Variants in PPFIA2 observed in about 807,000 individuals in gnomAD.
PPFIA2 encodes PPFI scaffold protein A2.
PPFIA2 carries 46 observed loss-of-function variants against 175.5 expected under a neutral mutation model. The ratio of observed to expected loss-of-function variants is 0.26; its 90% confidence interval spans 0.21 to 0.34. The LOEUF (loss-of-function observed/expected upper bound fraction) is 0.34, where lower values mean the gene tolerates loss of function less well. Ranked by LOEUF, PPFIA2 falls within the 10% of genes least tolerant of loss-of-function variation. PPFIA2 has a pLI of 1.00. For synonymous variants in PPFIA2, 568 were observed against 511.4 expected, an observed-to-expected ratio of 1.11 and a Z score of -1.49; for missense variants, 1,179 against 1,506.1, an observed-to-expected ratio of 0.78 and a Z score of 3.60.
intron 24 of PPFIA2, among the ~76,000 whole-genome samples, chr12:81,293,323 T>C (rs2045555311): frequency 6.6e-6 from 1 of 152,068 alleles, no homozygotes; most frequent in Non-Finnish European, 1.5e-5. Context: ...TTTGTCACAT[T>C]TTGTTCTTTT....
At chr12:81,651,862 T>C (rs2067079715) in intron 4 of PPFIA2, among the ~76,000 whole-genome samples, 1 of 152,120 alleles carries the variant, frequency 6.6e-6, no homozygotes, top group Non-Finnish European at 1.5e-5. Context: ...TTCTTTCCTT[T>C]GGTATTATTG....
intron 4 of PPFIA2, among the ~76,000 whole-genome samples, chr12:81,489,995 ATCTT>A (rs968793091): frequency 6.6e-5 from 10 of 151,786 alleles, no homozygotes; most frequent in African/African-American, 2.4e-4. Flanking sequence ...TATTATTACA[ATCTT>A]TCTTTTGTAT....
intron 4 of PPFIA2, among the ~76,000 whole-genome samples, chr12:81,577,840 A>G (rs2073819371): frequency 6.6e-6 from 1 of 151,750 alleles, no homozygotes; most frequent in Non-Finnish European, 1.5e-5. Context: ...TTTATAAGAA[A>G]TTATCCCAAA....
chr12:81,448,700 C>T (rs2051809211), intron 5 of PPFIA2, among the ~76,000 whole-genome samples: 1 of 152,174 alleles, frequency 6.6e-6, no homozygotes, highest in African/African-American at 2.4e-5. Context: ...TCCATGTCCC[C>T]ACAACAGGGG....
intron 4 of PPFIA2, among the ~76,000 whole-genome samples, chr12:81,478,478 T>C (rs912878721): frequency 6.6e-6 from 1 of 152,168 alleles, no homozygotes; most frequent in East Asian, 1.9e-4. Context: ...ATCCTGCTTC[T>C]CTGGTTCTTT....
At chr12:81,356,262 A>G (rs1428195713) in intron 16 of PPFIA2, among the ~76,000 whole-genome samples, 1 of 152,196 alleles carries the variant, frequency 6.6e-6, no homozygotes, top group African/African-American at 2.4e-5. Context: ...TCACTATCTT[A>G]TATTGGCATG....
At chr12:81,346,220 T>C (rs1481041801) in intron 18 of PPFIA2, among the ~76,000 whole-genome samples, 2 of 152,100 alleles carry the variant, frequency 1.3e-5, no homozygotes, top group African/African-American at 4.8e-5. Context: ...ACATACTATA[T>C]TTCTAGGTAA....
chr12:81,662,658 T>G (rs1185121248), intron 4 of PPFIA2, among the ~76,000 whole-genome samples: 10 of 152,116 alleles, frequency 6.6e-5, no homozygotes, highest in Admixed American at 6.5e-4. Flanking sequence ...CTGAAACTAT[T>G]CCAATCAATT....
At chr12:81,492,066 C>A (rs541218345) in intron 4 of PPFIA2, among the ~76,000 whole-genome samples, 27 of 151,980 alleles carry the variant, frequency 1.8e-4, no homozygotes, top group African/African-American at 6.3e-4. Flanking sequence ...ATTACAAGAT[C>A]GAGGCAGAAA....
At chr12:81,738,589 G>A (rs557355727) in intron 3 of PPFIA2, among the ~76,000 whole-genome samples, 1 of 151,718 alleles carries the variant, frequency 6.6e-6, no homozygotes, top group African/African-American at 2.4e-5. Context: ...TAATTTGTAG[G>A]TTAGCAAAAG....
At chr12:81,734,607 TCTC>T (rs760825513) in intron 3 of PPFIA2, among the ~76,000 whole-genome samples, 4 of 151,826 alleles carry the variant, frequency 2.6e-5, no homozygotes, top group Non-Finnish European at 5.9e-5. Context: ...TTTGAGCAAT[TCTC>T]CTTTTCAGTC....
intron 3 of PPFIA2, among the ~76,000 whole-genome samples, chr12:81,747,487 T>C (rs1461922039): frequency 1.4e-5 from 2 of 144,292 alleles, no homozygotes; most frequent in East Asian, 2.1e-4. Context: ...GTGTTCATTA[T>C]TACCCAGTAA....
chr12:81,426,981 T>G (rs1464040345), intron 7 of PPFIA2, among the ~76,000 whole-genome samples: 8 of 152,166 alleles, frequency 5.3e-5, no homozygotes, highest in Admixed American at 6.6e-5. Flanking sequence ...TATGTATAGT[T>G]AAATGTTAAA....
intron 3 of PPFIA2, among the ~76,000 whole-genome samples, chr12:81,680,848 A>G (rs998156019): frequency 6.6e-6 from 1 of 152,078 alleles, no homozygotes; most frequent in Non-Finnish European, 1.5e-5. Context: ...AGAGCAGGTA[A>G]GTGAGGTGCC....
At chr12:81,687,414 G>A (rs1374653241) in intron 3 of PPFIA2, 4 of 152,068 alleles carry the variant, frequency 2.6e-5, no homozygotes, top group Non-Finnish European at 4.4e-5. Flanking sequence ...CCCCTACCTT[G>A]TGGGTGAATG....
chr12:81,744,305 A>C (rs977756615), intron 3 of PPFIA2, among the ~76,000 whole-genome samples: 1 of 152,158 alleles, frequency 6.6e-6, no homozygotes, highest in Non-Finnish European at 1.5e-5. Flanking sequence ...ATCCTTAAGT[A>C]ATTAAATTCA....
chr12:81,312,183 GAGA>G, intron 22 of PPFIA2: 1 of 1,533,650 alleles, frequency 6.5e-7, no homozygotes, highest in Non-Finnish European at 8.7e-7. Flanking sequence ...TCATGAGATG[GAGA>G]AGGACGGATG....
chr12:81,527,010 T>C (rs1442332418), intron 4 of PPFIA2, among the ~76,000 whole-genome samples: 1 of 152,140 alleles, frequency 6.6e-6, no homozygotes. Context: ...AATACCAAGA[T>C]GGTGGGAACT....
intron 4 of PPFIA2, among the ~76,000 whole-genome samples, chr12:81,603,825 T>TAAAAAAAAAAAAAAAAAAAAAAAAA (rs60363527): frequency 9.7e-6 from 1 of 103,336 alleles, no homozygotes; most frequent in Non-Finnish European, 2.0e-5. Flanking sequence ...CTATTCTGAC[T>TAAAAAAAAAAAAAAAAAAAAAAAAA]AAAAAAAAAA....
Sources: gnomAD v4.1 joint callset for allele counts (sites outside exome capture counted in the v4.1 genomes callset) on GRCh38, gnomAD v4.1.1 for gene constraint, MANE v1.5 for transcripts, NCBI Gene and HGNC (gene_info 2026-07-23, HGNC 2026-07-21) for gene names.